Variants in DNAH17 observed in about 807,000 individuals in gnomAD.
DNAH17 encodes the protein dynein axonemal heavy chain 17, also known as axonemal beta dynein heavy chain 17.
DNAH17 carries 376 observed loss-of-function variants against 485.6 expected under a neutral mutation model. The ratio of observed to expected loss-of-function variants is 0.77; its 90% CI spans 0.71 to 0.84. The LOEUF (loss-of-function observed/expected upper bound fraction) is 0.84. DNAH17 is among the 40% of genes least tolerant of loss of function. The probability of loss-of-function intolerance (pLI) is 0.00; values close to 1 mark genes in which losing one functional copy is unlikely to be tolerated. For synonymous variants in DNAH17, 3,031 were observed against 2,405.9 expected, an observed-to-expected ratio of 1.26 and a Z score of -7.60; for missense variants, 6,370 against 5,839.3, an observed-to-expected ratio of 1.09 and a Z score of -2.96.
At chr17:78,467,844 G>A (rs1025022070) in intron 55 of DNAH17, among the ~76,000 whole-genome samples, 2 of 152,034 alleles carry the variant, frequency 1.3e-5, no homozygotes, top group African/African-American at 4.8e-5. Flanking sequence ...ATGGTGAAAT[G>A]CTGTCTCTAC....
intron 15 of DNAH17, 58 bp from the exon 16 acceptor site, chr17:78,551,696 G>C (rs2091905647): frequency 1.3e-6 from 2 of 1,549,190 alleles, no homozygotes; most frequent in East Asian, 4.5e-5. Context: ...GGGCGCGGTG[G>C]CTCAAGCTTG....
chr17:78,499,087 A>G lies in DNAH17; in HGVS notation c.5666T>C (p.Leu1889Pro). 1 of 1,604,464 alleles carries G rather than the reference A, an allele frequency of 6.2e-7. No homozygotes were observed. The highest frequency in any genetic ancestry group is 8.5e-7 in the Non-Finnish European group (1 of 1,175,598). The change falls in exon 37 of 81, where the codon CTG (leucine) becomes CCG (proline). Residue 1889 changes from leucine to proline, a missense_variant. Coordinates refer to ENST00000389840, the MANE Select transcript of DNAH17 (RefSeq NM_173628.4). ...YKSCGNIYKG[L>P]AQTGAWGCFD... ...GCAGCCCCAGGCTCCCGTCTGGGCC[A>G]GGCCCTTGTAGATATTTCCACAGGA... is the stretch of plus-strand genomic sequence containing the variant.
intron 18 of DNAH17, among the ~76,000 whole-genome samples, chr17:78,538,284 C>G (rs552688219): frequency 1.3e-5 from 2 of 152,284 alleles, no homozygotes; most frequent in South Asian, 4.1e-4. Context: ...TGGAAGTCCC[C>G]GTTTACAGAG....
At chr17:78,532,196 C>T (rs1598656085) in intron 20 of DNAH17, among the ~76,000 whole-genome samples, 2 of 152,208 alleles carry the variant, frequency 1.3e-5, no homozygotes, top group Non-Finnish European at 2.9e-5. Context: ...TCCCTGGAAG[C>T]CACAATAAAG....
In DNAH17 at chr17:78,529,677, G is replaced by T. The variant is rs61741523; in HGVS notation, c.3302C>A (p.Ala1101Asp). ...HVTNSLADLE[A>D]FMKVARMGLT... ...GCCCATTCTGGCGACTTTCATGAAG[G>T]CTTCCAGGTCAGCCAGGCTAAGGGA... is the stretch of plus-strand genomic sequence containing the variant. The change falls in exon 22 of 81, where the codon GCC becomes GAC. Residue 1101 changes from alanine (A) to aspartate (D), a missense_variant. Coordinates refer to ENST00000389840, the MANE Select transcript of DNAH17 (RefSeq NM_173628.4). The T allele has an allele frequency of 3.7e-6, 6 of 1,613,772 alleles. No individual in the cohort carries two copies. The highest frequency in any genetic ancestry group is 4.5e-5 in the East Asian group (2 of 44,866).
intron 75 of DNAH17, among the ~76,000 whole-genome samples, chr17:78,431,838 C>T (rs2086686366): frequency 6.6e-6 from 1 of 152,068 alleles, no homozygotes; most frequent in Non-Finnish European, 1.5e-5. Flanking sequence ...AGAAGCTGCC[C>T]AGCGTGTGTC....
chr17:78,429,259 C>T lies in DNAH17; in HGVS notation c.12267G>A (p.Met4089Ile), dbSNP rs372650439. 534 of 1,613,998 alleles carry T rather than the reference C, an allele frequency of 3.3e-4. 9 individuals are homozygous for T. The South Asian group carries it at 5.6e-3, about 17-fold the overall frequency. Residue 4089 changes from methionine to isoleucine, a missense_variant, in exon 76 of 81, where the codon ATG becomes ATA. Physicochemically the swap from Met to Ile is conservative, Grantham distance 10 (BLOSUM62 1). Transcript: ENST00000389840. ...DDLRYLFGEI[M>I]YGGHITDDWD... ...AGTCATCTGTGATGTGGCCGCCATA[C>T]ATGATTTCACCAAAAAGGTAGCGGA...
At chr17:78,471,595 A>G (rs921367463) in intron 54 of DNAH17, among the ~76,000 whole-genome samples, 1 of 152,112 alleles carries the variant, frequency 6.6e-6, no homozygotes, top group African/African-American at 2.4e-5. Flanking sequence ...TGGCATGATC[A>G]TAGCTTATTG....
chr17:78,463,076 C>T lies in DNAH17; in HGVS notation c.8942G>A (p.Trp2981Ter), dbSNP rs746396461. Residue 2981 changes from tryptophan to a stop codon, truncating the protein, a stop_gained and splice_region_variant, in exon 57 of 81, where the codon TGG (tryptophan) becomes TAG (stop). Coordinates refer to ENST00000389840, the MANE Select transcript of DNAH17 (RefSeq NM_173628.4). LOFTEE classifies it high-confidence loss of function. ...GAAGCTGATGGAGGCCTTGACTTCC[C>T]ACTACAAAGATGAGACAGCCAGTCA... ...RFLEETEGIP[W>*]EVKASISFFM... 1.9e-6 allele frequency: 3 copies of T among 1,613,564 alleles called. No individual in the cohort carries two copies. Among genetic ancestry groups the T allele is most frequent in the Non-Finnish European group, 2.5e-6 (3 of 1,179,688 alleles).
chr17:78,570,083 C>T (rs1301056307), intron 7 of DNAH17, among the ~76,000 whole-genome samples, 164 bp downstream of exon 7: 1 of 152,212 alleles, frequency 6.6e-6, no homozygotes, highest in Non-Finnish European at 1.5e-5. Context: ...TCTAGGTAGC[C>T]TTGAAGAGGG....
intron 63 of DNAH17, among the ~76,000 whole-genome samples, chr17:78,455,091 G>A (rs964968060): frequency 1.3e-5 from 2 of 152,168 alleles, no homozygotes; most frequent in Non-Finnish European, 2.9e-5. Context: ...CGTAGTTTTA[G>A]TAGAGACGAG....
intron 62 of DNAH17, among the ~76,000 whole-genome samples, chr17:78,456,801 C>T (rs1422078817): frequency 6.6e-6 from 1 of 152,154 alleles, no homozygotes; most frequent in Non-Finnish European, 1.5e-5. Flanking sequence ...TTAAATCCCT[C>T]ATACCCGGGG....
chr17:78,424,063 A>C lies in DNAH17; in HGVS notation c.13232T>G (p.Ile4411Ser). The part of the protein sequence containing the change: ...PAMPVIFIKA[I>S]PVDRMETKNI... ...CTTGGTCTCCATGCGGTCCACAGGA[A>C]TGGCCTTGATGAAGATGACAGGCAT... The change falls in exon 81 of 81, where the codon ATT becomes AGT. Residue 4411 changes from isoleucine (I) to serine (S), a missense_variant. Ile to Ser is a moderately radical substitution (Grantham distance 142). Coordinates refer to ENST00000389840, the MANE Select transcript of DNAH17 (RefSeq NM_173628.4). 1 of 1,614,028 alleles carries C rather than the reference A, an allele frequency of 6.2e-7. No individual in the cohort carries two copies. Among genetic ancestry groups the C allele is most frequent in the Non-Finnish European group, 8.5e-7 (1 of 1,179,892 alleles).
rs78624201 is a variant in DNAH17 at position 78,454,027 on chromosome 17, C to G, written c.10406+443G>C. ...CCGGGCTGGAAGCAGCTTTGAGTAG[C>G]TTTATGGCCACAGAGACAAATGTTT... On this transcript the variant is annotated intron_variant, in intron 64 of 80. Coordinates refer to ENST00000389840, the MANE Select transcript of DNAH17 (RefSeq NM_173628.4). Among the ~76,000 whole-genome samples the G allele has an allele frequency of 8.1e-4, 124 of 152,240 alleles. 1 individual carries two copies. The East Asian group carries it at 0.015, about 18-fold the overall frequency.
intron 17 of DNAH17, among the ~76,000 whole-genome samples, chr17:78,543,178 G>A (rs758789567): frequency 1.2e-4 from 18 of 152,168 alleles, no homozygotes; most frequent in Admixed American, 1.2e-3. Context: ...GCAGTGGTGC[G>A]ATCTTGGTTC....
chr17:78,432,559 A>G (rs1026903573), intron 75 of DNAH17, among the ~76,000 whole-genome samples: 2 of 152,220 alleles, frequency 1.3e-5, no homozygotes, highest in African/African-American at 2.4e-5. Context: ...CTTCGCCAGC[A>G]GCGATCCTGG....
At position 78,532,611 on chromosome 17, in the gene DNAH17, C is replaced by A. The variant is rs766742220; in HGVS notation, c.2985G>T (p.Thr995=). The stretch of plus-strand genomic sequence containing the variant: ...TCTTCATAAACTCCTGCAGGTTGTC[C>A]GTCCAGAGGTAGGAGTACCTCTCAA... ...DSFERYSYLW[T]DNLQEFMKNF... is the part of the protein sequence containing the mutation. Residue 995 remains threonine, a synonymous_variant, in exon 20 of 81, where the codon ACG becomes ACT. Transcript: ENST00000389840. 2.5e-6 allele frequency: 4 copies of A among 1,606,234 alleles called. No individual in the cohort carries two copies. Among genetic ancestry groups the A allele is most frequent in the Non-Finnish European group, 8.5e-7 (1 of 1,176,234 alleles).
At chr17:78,575,216 T>TA in intron 1 of DNAH17, 134 bp from the exon 2 acceptor site, 1 of 701,312 alleles carries the variant, frequency 1.4e-6, no homozygotes, top group Non-Finnish European at 2.3e-6. Context: ...GTGCAGTTTT[T>TA]AGCTGTGGTT....
At chr17:78,514,161 C>G (rs1481698538) in intron 26 of DNAH17, among the ~76,000 whole-genome samples, 1 of 152,172 alleles carries the variant, frequency 6.6e-6, no homozygotes, top group South Asian at 2.1e-4. Context: ...AACGGCCTAC[C>G]TAATTTGCAG....
Sources: gnomAD v4.1 joint callset for allele counts (sites outside exome capture counted in the v4.1 genomes callset) on GRCh38, gnomAD v4.1.1 for gene constraint, MANE v1.5 for transcripts, NCBI Gene and HGNC (gene_info 2026-07-23, HGNC 2026-07-21) for gene names.